SRSF3: variants seen among roughly 807,000 people sequenced by gnomAD.
The protein encoded by SRSF3 is serine/arginine-rich splicing factor 3.
For missense variants in SRSF3, 58 were observed against 217.1 expected (o/e 0.27, Z 4.61); for synonymous variants, 87 against 73.6 (o/e 1.18, Z -0.93).
At chr6:36,599,904 G>A (rs1309372283) in intron 3 of SRSF3, 3 of 1,350,942 alleles carry the variant, frequency 2.2e-6, no homozygotes, top group Non-Finnish European at 2.9e-6. Flanking sequence ...TGACCAGCGC[G>A]CCCCATTCAG....
Position 36,605,107 on chromosome 6 carries a change from T to G in SRSF3, c.*3118T>G, listed in dbSNP as rs934644200. 3 of 152,212 alleles carry G rather than the reference T, an allele frequency of 2.0e-5. No homozygotes were observed. Among genetic ancestry groups the G allele is most frequent in the Non-Finnish European group, 2.9e-5 (2 of 68,034 alleles). The allele number at this position is 152,212 out of a possible 1,614,324, so 9.4% of individuals were successfully genotyped here. On this transcript the variant is annotated 3_prime_UTR_variant, in exon 6 of 6. Transcript: ENST00000373715. Reference sequence around the variant, plus strand: ...AATTTGATTTTATGTCCACTCTAATTTTTTTCATCCTGTTTTATTAGGGGG... The same window carrying G: ...AATTTGATTTTATGTCCACTCTAATGTTTTTCATCCTGTTTTATTAGGGGG...
rs570692797 is a variant in SRSF3 at position 36,603,223 on chromosome 6, C to T, written c.*1234C>T. 5 of 224,314 alleles carry T rather than the reference C, an allele frequency of 2.2e-5. No individual in the cohort carries two copies. In the South Asian group the frequency reaches 9.2e-4, roughly 41 times the overall value. The allele number at this position is 224,314 out of a possible 1,614,324, so 13.9% of individuals were successfully genotyped here. On this transcript the variant is annotated 3_prime_UTR_variant, in exon 6 of 6. Transcript: ENST00000373715. ...TTTTATCTTTAGCATGAAAACTTTC[C>T]ACAGGTCTAAAAATTGCTTCCATTT... is the stretch of plus-strand genomic sequence containing the variant.
At position 36,602,346 on chromosome 6, in the gene SRSF3, G is replaced by A. The variant is rs917324190; in HGVS notation, c.*357G>A. 7.3e-6 allele frequency: 2 copies of A among 273,574 alleles called. No individual in the cohort carries two copies. The highest frequency in any genetic ancestry group is 1.4e-5 in the Non-Finnish European group (2 of 146,814). The allele number at this position is 273,574 out of a possible 1,614,324, so 16.9% of individuals were successfully genotyped here. On this transcript the variant is annotated 3_prime_UTR_variant, in exon 6 of 6. Coordinates refer to ENST00000373715, the MANE Select transcript of SRSF3 (RefSeq NM_003017.5). ...AATACAGAAACAACTGGCAAAAATTGAACTAAGATTTACTTTTTTTTCCAT... is the reference window on the plus strand; with the variant it reads ...AATACAGAAACAACTGGCAAAAATTAAACTAAGATTTACTTTTTTTTCCAT...
Position 36,602,520 on chromosome 6 carries a change from T to C in SRSF3, c.*531T>C, listed in dbSNP as rs1778734313. On this transcript the variant is annotated 3_prime_UTR_variant, in exon 6 of 6. Transcript: ENST00000373715. ...CTCATCCTGGGCAGAGGTTGCCTAG[T>C]TGGTATAGAATGTTAAGTTTCAAGA... 1 of 220,540 alleles carries C rather than the reference T, an allele frequency of 4.5e-6. No individual in the cohort carries two copies. The highest frequency in any genetic ancestry group is 9.1e-6 in the Non-Finnish European group (1 of 110,276). The allele number at this position is 220,540 out of a possible 1,614,324, so 13.7% of individuals were successfully genotyped here. A position where few individuals can be genotyped will look rare whatever the true frequency, so the allele number is the denominator to read the frequency against.
At chr6:36,599,758 CTTGT>C (rs1778687725) in intron 3 of SRSF3, 1 of 1,217,518 alleles carries the variant, frequency 8.2e-7, no homozygotes, top group Non-Finnish European at 1.1e-6. Flanking sequence ...GTACTGATGG[CTTGT>C]TTTTCATTTT....
Position 36,598,835 on chromosome 6 carries a change from CTT to C in SRSF3, c.207-12_207-11del. 6.2e-7 allele frequency: 1 copy of C among 1,610,228 alleles called. No individual in the cohort carries two copies. The highest frequency in any genetic ancestry group is 1.1e-5 in the South Asian group (1 of 90,808). ...AGTCAGGCTGTTTTAAGTTTAATAT[CTT>C]TGCCCCCTCAGAACACTATGTGGCT... On this transcript the variant is annotated splice_polypyrimidine_tract_variant and intron_variant, in intron 2 of 5. Coordinates refer to ENST00000373715, the MANE Select transcript of SRSF3 (RefSeq NM_003017.5).
At position 36,602,304 on chromosome 6, in the gene SRSF3, G is replaced by GTT. The variant is rs142053744; in HGVS notation, c.*323_*324dup. ...CTCTAAACCTGCCCAGCGGAAGTGT[G>GTT]TTTTTTTTTAAATTTAAATACAGAA... On this transcript the variant is annotated 3_prime_UTR_variant, in exon 6 of 6. Coordinates refer to ENST00000373715, the MANE Select transcript of SRSF3 (RefSeq NM_003017.5). 1.2e-3 allele frequency: 396 copies of GTT among 326,880 alleles called. 2 individuals carry two copies. The highest frequency in any genetic ancestry group is 7.2e-3 in the African/African-American group (338 of 47,126). 20.2% of individuals were successfully genotyped at this position (326,880 alleles called of 1,614,324 possible). A position where few individuals can be genotyped will look rare whatever the true frequency, so the allele number is the denominator to read the frequency against.
In SRSF3 at chr6:36,603,845, C is replaced by T. The variant is rs956935819; in HGVS notation, c.*1856C>T. The T allele has an allele frequency of 1.7e-5, 4 of 231,222 alleles. No homozygotes were observed. Among genetic ancestry groups the T allele is most frequent in the Admixed American group, 5.6e-5 (1 of 17,702 alleles). The allele number at this position is 231,222 out of a possible 1,614,324, so 14.3% of individuals were successfully genotyped here. A position where few individuals can be genotyped will look rare whatever the true frequency, so the allele number is the denominator to read the frequency against. ...GACAACTTATGTGGGCATTTTTGGG[C>T]AGTATATGACTTCCTTGCAGGCTCT... On this transcript the variant is annotated 3_prime_UTR_variant, in exon 6 of 6. Transcript: ENST00000373715.
chr6:36,602,287 C>G lies in SRSF3; in HGVS notation c.*298C>G. On this transcript the variant is annotated 3_prime_UTR_variant, in exon 6 of 6. Coordinates refer to ENST00000373715, the MANE Select transcript of SRSF3 (RefSeq NM_003017.5). ...ACAGACTGATAATAAACCTCTAAAC[C>G]TGCCCAGCGGAAGTGTGTTTTTTTT... is the stretch of plus-strand genomic sequence containing the variant. 1 of 380,498 alleles carries G rather than the reference C, an allele frequency of 2.6e-6. No homozygotes were observed. The highest frequency in any genetic ancestry group is 4.5e-6 in the Non-Finnish European group (1 of 219,970). The allele number at this position is 380,498 out of a possible 1,614,324, so 23.6% of individuals were successfully genotyped here. A position where few individuals can be genotyped will look rare whatever the true frequency, so the allele number is the denominator to read the frequency against.
At chr6:36,597,008 GTT>G (rs1778640292) in intron 2 of SRSF3, 40 bp downstream of exon 2, 1 of 1,552,722 alleles carries the variant, frequency 6.4e-7, no homozygotes, top group Non-Finnish European at 8.8e-7. Context: ...TGTTGCTTGT[GTT>G]TTTCATATTT....
rs1778761633 is a variant in SRSF3, at chr6:36,603,724, C to T, written c.*1735C>T. ...GGGCATTTTGTCTTTAGTATTCTCACATAGCCTACAACCTGTTCCTGTTAG... is the reference window on the plus strand; with the variant it reads ...GGGCATTTTGTCTTTAGTATTCTCATATAGCCTACAACCTGTTCCTGTTAG... On this transcript the variant is annotated 3_prime_UTR_variant, in exon 6 of 6. Coordinates refer to ENST00000373715, the MANE Select transcript of SRSF3 (RefSeq NM_003017.5). The T allele has an allele frequency of 8.7e-6, 2 of 230,888 alleles. No individual in the cohort carries two copies. Among genetic ancestry groups the T allele is most frequent in the South Asian group, 3.6e-4 (2 of 5,510 alleles). 14.3% of individuals were successfully genotyped at this position (230,888 alleles called of 1,614,324 possible).
chr6:36,596,616 T>C (rs1778634444), intron 1 of SRSF3, 145 bp from the exon 2 acceptor site: 1 of 642,646 alleles, frequency 1.6e-6, no homozygotes, highest in Non-Finnish European at 2.6e-6. Context: ...ATTTCTTGTT[T>C]GGTTTCTAGC....
At chr6:36,600,171 A>G (rs1778690736) in intron 3 of SRSF3, 3 of 1,073,376 alleles carry the variant, frequency 2.8e-6, no homozygotes, top group Non-Finnish European at 3.4e-6. Flanking sequence ...TCGCCAACCA[A>G]CTAAATCCAA....
In SRSF3 at chr6:36,594,402, G is replaced by C. The variant is rs1195260542; in HGVS notation, c.-82G>C. On this transcript the variant is annotated 5_prime_UTR_variant, in exon 1 of 6. Transcript: ENST00000373715. The stretch of plus-strand genomic sequence containing the variant: ...CGCCGGGTGAGTGAGAGAGTTGGTT[G>C]GTGTTGGGCCGGAGGAAAGCGGGAA... The C allele has an allele frequency of 6.6e-6, 1 of 152,652 alleles. No individual in the cohort carries two copies. The highest frequency in any genetic ancestry group is 2.4e-5 in the African/African-American group (1 of 41,470). The allele number at this position is 152,652 out of a possible 1,614,324, so 9.5% of individuals were successfully genotyped here.
Position 36,596,925 on chromosome 6 carries a change from G to A in SRSF3, c.163G>A (p.Asp55Asn), listed in dbSNP as rs1778639099. 6.2e-7 allele frequency: 1 copy of A among 1,613,914 alleles called. No individual in the cohort carries two copies. Residue 55 changes from aspartate (D) to asparagine (N), a missense_variant, in exon 2 of 6, where the codon GAT (aspartate) becomes AAT (asparagine). By Grantham distance (23) the Asp-to-Asn change is conservative (BLOSUM62 1). Transcript: ENST00000373715. ...CGGCTTTGCTTTTGTTGAATTTGAAGATCCCCGAGATGCAGCTGATGCAGT... is the reference window on the plus strand; with the variant it reads ...CGGCTTTGCTTTTGTTGAATTTGAAAATCCCCGAGATGCAGCTGATGCAGT... Reference protein sequence around the residue: ...PPGFAFVEFEDPRDAADAVRE... With the variant: ...PPGFAFVEFENPRDAADAVRE...
rs925202537 is a variant in SRSF3 at position 36,603,085 on chromosome 6, T to G, written c.*1096T>G. 2.7e-5 allele frequency: 6 copies of G among 221,912 alleles called. No individual in the cohort carries two copies. Among genetic ancestry groups the G allele is most frequent in the Admixed American group, 1.7e-4 (3 of 17,412 alleles). The allele number at this position is 221,912 out of a possible 1,614,324, so 13.7% of individuals were successfully genotyped here. A position where few individuals can be genotyped will look rare whatever the true frequency, so the allele number is the denominator to read the frequency against. On this transcript the variant is annotated 3_prime_UTR_variant, in exon 6 of 6. Transcript: ENST00000373715. ...AAGTGATAGTTAACCCATTTTTTTT[T>G]TTTTTAGGCATAGAAGCCAGTTCAG...
At chr6:36,595,425 AC>A (rs1375234545) in intron 1 of SRSF3, among the ~76,000 whole-genome samples, 12 of 152,250 alleles carry the variant, frequency 7.9e-5, no homozygotes, top group African/African-American at 2.9e-4. Context: ...ATCATCACTT[AC>A]ACGTAGTTCC....
At position 36,602,199 on chromosome 6, in the gene SRSF3, G is replaced by T. The variant is rs1342969468; in HGVS notation, c.*210G>T. 5 of 959,934 alleles carry T rather than the reference G, an allele frequency of 5.2e-6. No homozygotes were observed. The African/African-American group carries it at 8.5e-5, about 16-fold the overall frequency. 59.5% of individuals were successfully genotyped at this position (959,934 alleles called of 1,614,324 possible). ...GATCATACGAGGCATGTAATACCAA[G>T]AATTGTTACTTTACAATGTTCCCTT... On this transcript the variant is annotated 3_prime_UTR_variant, in exon 6 of 6. Coordinates refer to ENST00000373715, the MANE Select transcript of SRSF3 (RefSeq NM_003017.5).
In SRSF3 at chr6:36,597,255, G is replaced by C. The variant is rs1348897079; in HGVS notation, c.206+287G>C. On this transcript the variant is annotated intron_variant, in intron 2 of 5. Coordinates refer to ENST00000373715, the MANE Select transcript of SRSF3 (RefSeq NM_003017.5). ...TGAGTAACTGGGACTACAGGCGTGT[G>C]CCATCATGCGGGGCTGATTTTTGTA... 4 of 426,844 alleles carry C rather than the reference G, an allele frequency of 9.4e-6. No individual in the cohort carries two copies. The Admixed American group carries it at 1.7e-4, about 18-fold the overall frequency. The allele number at this position is 426,844 out of a possible 1,614,324, so 26.4% of individuals were successfully genotyped here.
Sources: gnomAD v4.1 joint callset for allele counts (sites outside exome capture counted in the v4.1 genomes callset) on GRCh38, gnomAD v4.1.1 for gene constraint, MANE v1.5 for transcripts, NCBI Gene and HGNC (gene_info 2026-07-23, HGNC 2026-07-21) for gene names.